The following NPRL3 variants were observed in gnomAD, a reference collection of about 807,000 sequenced individuals.
NPRL3 encodes the protein GATOR1 complex protein NPRL3.
Under a neutral mutation model 57.2 loss-of-function variants are expected in NPRL3, and 23 were observed. That is an observed-to-expected ratio of 0.40 (90% confidence interval 0.29 to 0.57). The LOEUF is 0.57. Among genes scored for constraint, NPRL3 ranks in the 20% least tolerant of loss-of-function variants. The pLI is 0.42. For missense variants in NPRL3, 691 were observed against 767.1 expected, an observed-to-expected ratio of 0.90 and a Z score of 1.17; for synonymous variants, 333 against 321.1, an observed-to-expected ratio of 1.04 and a Z score of -0.39.
intron 7 of NPRL3, among the ~76,000 whole-genome samples, chr16:105,607 T>G (rs747092287): frequency 1.3e-5 from 2 of 152,214 alleles, no homozygotes; most frequent in Non-Finnish European, 2.9e-5. Flanking sequence ...AGCCAGACCC[T>G]GGACATCACT....
chr16:117,669 C>T (rs1242111254), intron 4 of NPRL3, among the ~76,000 whole-genome samples: 3 of 152,310 alleles, frequency 2.0e-5, no homozygotes, highest in East Asian at 3.9e-4. Flanking sequence ...GACCCAGACC[C>T]ACACCCCCAC....
intron 11 of NPRL3, 83 bp from the exon 12 acceptor site, chr16:89,985 T>C: frequency 8.5e-6 from 11 of 1,300,922 alleles, no homozygotes; most frequent in Non-Finnish European, 1.2e-5. Flanking sequence ...GCCCTAGACA[T>C]GGCCACAGCA....
At chr16:130,413 A>G in intron 3 of NPRL3, 109 bp downstream of exon 3, 1 of 1,054,134 alleles carries the variant, frequency 9.5e-7, no homozygotes. Context: ...GAAAAAAACA[A>G]ACACCAGACT....
chr16:107,937 G>C (rs573154998), intron 7 of NPRL3, among the ~76,000 whole-genome samples: 1 of 152,350 alleles, frequency 6.6e-6, no homozygotes, highest in East Asian at 1.9e-4. Context: ...CTGGATACCA[G>C]GCAATTCAAA....
chr16:105,459 T>C (rs778085770), intron 7 of NPRL3, among the ~76,000 whole-genome samples: 39 of 152,112 alleles, frequency 2.6e-4, no homozygotes, highest in Non-Finnish European at 5.3e-4. Context: ...ACCTTGAAAT[T>C]TCAAACGAAA....
chr16:94,413 G>A (rs569891948), intron 9 of NPRL3, among the ~76,000 whole-genome samples: 240 of 152,336 alleles, frequency 1.6e-3, no homozygotes, highest in African/African-American at 5.2e-3. Flanking sequence ...CCTGGACACC[G>A]TGCTGCCCTG....
intron 8 of NPRL3, 104 bp from the exon 9 acceptor site, chr16:98,405 T>C (rs910828485): frequency 3.9e-6 from 5 of 1,274,932 alleles, no homozygotes; most frequent in Non-Finnish European, 5.4e-6. Flanking sequence ...CACCAGGTCC[T>C]GCACCAGGTA....
chr16:106,130 G>A (rs954740017), intron 7 of NPRL3, among the ~76,000 whole-genome samples: 4 of 152,038 alleles, frequency 2.6e-5, no homozygotes, highest in African/African-American at 9.7e-5. Context: ...CCAACATGGT[G>A]AAACTCCATC....
chr16:112,562 C>T (rs528432093), intron 6 of NPRL3, 60 bp downstream of exon 6: 97 of 1,413,444 alleles, frequency 6.9e-5, no homozygotes, highest in Admixed American at 2.3e-4. Flanking sequence ...CAGAGGTCTG[C>T]GCTGCAGAGA....
intron 8 of NPRL3, among the ~76,000 whole-genome samples, chr16:99,938 T>A (rs1244402416): frequency 4.5e-5 from 5 of 110,974 alleles, no homozygotes; most frequent in African/African-American, 1.4e-4. Flanking sequence ...TGTCTCTCTC[T>A]CACACACACA....
chr16:116,304 C>T (rs995852553), intron 5 of NPRL3, among the ~76,000 whole-genome samples: 1 of 152,176 alleles, frequency 6.6e-6, no homozygotes, highest in Non-Finnish European at 1.5e-5. Flanking sequence ...ATTTTGTTTA[C>T]TCCTTTGCTT....
At chr16:114,324 G>C (rs1899939256) in intron 5 of NPRL3, among the ~76,000 whole-genome samples, 1 of 152,218 alleles carries the variant, frequency 6.6e-6, no homozygotes, top group Non-Finnish European at 1.5e-5. Flanking sequence ...GACATGCTGA[G>C]AAAGCTAACA....
In NPRL3 at chr16:100,484, G is replaced by A; in HGVS notation, c.655C>T (p.Leu219Phe). ...ACCTCCAGCCAGCTGTTGATGTGAA[G>A]CCGAACTACGCCCGACGTGCACAGG... is the stretch of plus-strand genomic sequence containing the variant. ...DSLCTSGVVR[L>F]HINSWLEVSF... The change falls in exon 8 of 14, where the codon CTT (leucine) becomes TTT (phenylalanine). Residue 219 changes from leucine (L) to phenylalanine (F), a missense_variant. Leu to Phe is a conservative substitution (Grantham distance 22, BLOSUM62 0). Transcript: ENST00000611875. 1 of 1,592,462 alleles carries A rather than the reference G, an allele frequency of 6.3e-7. No individual in the cohort carries two copies. Among genetic ancestry groups the A allele is most frequent in the South Asian group, 1.1e-5 (1 of 87,286 alleles).
intron 7 of NPRL3, among the ~76,000 whole-genome samples, chr16:106,146 T>A (rs866660625): frequency 6.6e-6 from 1 of 151,684 alleles, no homozygotes. Flanking sequence ...CCATCTCTAC[T>A]AAAAATACAA....
intron 8 of NPRL3, 138 bp downstream of exon 8, chr16:100,234 G>T: frequency 1.1e-6 from 1 of 879,562 alleles, no homozygotes; most frequent in Non-Finnish European, 1.6e-6. Flanking sequence ...TCTATAAACG[G>T]CAGAGCCCCA....
chr16:122,086 C>T (rs897595383), intron 3 of NPRL3, among the ~76,000 whole-genome samples: 1 of 145,752 alleles, frequency 6.9e-6, no homozygotes, highest in Non-Finnish European at 1.5e-5. Flanking sequence ...CATGACAAAA[C>T]AATTGAGCGG....
intron 2 of NPRL3, among the ~76,000 whole-genome samples, chr16:137,843 C>T (rs1271879463): frequency 6.6e-6 from 1 of 152,048 alleles, no homozygotes; most frequent in East Asian, 1.9e-4. Context: ...GGGATTACCG[C>T]CACCGGCCTT....
At chr16:130,411 CAA>C in intron 3 of NPRL3, 109 bp downstream of exon 3, 1 of 451,054 alleles carries the variant, frequency 2.2e-6, no homozygotes, top group Non-Finnish European at 3.1e-6. Context: ...CGGAAAAAAA[CAA>C]ACACCAGACT....
chr16:86,385 C>G lies in NPRL3; in HGVS notation c.*320G>C. 2.9e-6 allele frequency: 1 copy of G among 340,070 alleles called. No homozygotes were observed. The highest frequency in any genetic ancestry group is 4.9e-5 in the South Asian group (1 of 20,532). The allele number at this position is 340,070 out of a possible 1,614,324, so 21.1% of individuals were successfully genotyped here. A position where few individuals can be genotyped will look rare whatever the true frequency, so the allele number is the denominator to read the frequency against. On this transcript the variant is annotated 3_prime_UTR_variant, in exon 14 of 14. Coordinates refer to ENST00000611875, the MANE Select transcript of NPRL3 (RefSeq NM_001077350.3). ...AAGGAGGGTCTGAGAAACGCACAGC[C>G]CACATGGGCCTTGAAGGATGCGGCC...
Sources: allele counts gnomAD v4.1 joint callset (sites outside exome capture counted in the v4.1 genomes callset), GRCh38; gene constraint gnomAD v4.1.1; transcripts MANE v1.5; gene names NCBI Gene and HGNC (gene_info 2026-07-23, HGNC 2026-07-21).